NXT2: variants seen among roughly 807,000 people sequenced by gnomAD.
The protein encoded by NXT2 is nuclear transport factor 2 like export factor 2.
Under a neutral mutation model 9.6 loss-of-function variants are expected in NXT2, and 1 was observed. That is an observed-to-expected ratio of 0.10 (90% confidence interval 0.04 to 0.49). The LOEUF is 0.49. Among genes scored for constraint, NXT2 ranks in the 20% least tolerant of loss-of-function variants. NXT2 has a pLI of 0.95. For synonymous variants in NXT2, 22 were observed against 35.4 expected (o/e 0.62, Z 1.34); for missense variants, 48 against 100.3 (o/e 0.48, Z 2.23).
Position 109,536,892 on chromosome X carries a change from G to A in NXT2, c.-115G>A. On this transcript the variant is annotated 5_prime_UTR_variant, in exon 1 of 4. Coordinates refer to ENST00000372106, the MANE Select transcript of NXT2 (RefSeq NM_001242617.2). Reference sequence around the variant, plus strand: ...AATGGGAGGGTGGAAAATTTTGTGCGTTTGGCGGGTTTCGCTCTCTTCATA... The same window carrying A: ...AATGGGAGGGTGGAAAATTTTGTGCATTTGGCGGGTTTCGCTCTCTTCATA... 7.5e-6 allele frequency: 9 copies of A among 1,192,910 alleles called. No homozygotes were observed. The highest frequency in any genetic ancestry group is 1.0e-5 in the Non-Finnish European group (9 of 884,663).
At position 109,538,028 on chromosome X, in the gene NXT2, T is replaced by G; in HGVS notation, c.16-17T>G. On this transcript the variant is annotated splice_polypyrimidine_tract_variant and intron_variant, in intron 1 of 3. Coordinates refer to ENST00000372106, the MANE Select transcript of NXT2 (RefSeq NM_001242617.2). ...TGAAAAGGTTGGTAATCTATACTTC[T>G]GGAATTTTTCTTGTAGGATTTTAAA... The G allele has an allele frequency of 8.9e-7, 1 of 1,123,837 alleles. No homozygotes were observed. Among genetic ancestry groups the G allele is most frequent in the Non-Finnish European group, 1.2e-6 (1 of 817,318 alleles). The allele number at this position is 1,123,837 out of a possible 1,213,427, so 92.6% of individuals were successfully genotyped here.
chrX:109,536,575 C>T (rs753118523), upstream of NXT2: 1 of 163,242 alleles, frequency 6.1e-6, no homozygotes, highest in African/African-American at 3.1e-5. Flanking sequence ...TAGGTCTCCT[C>T]GCATTTCTAA....
In NXT2 at chrX:109,543,224, G is replaced by A. The variant is rs1401323453; in HGVS notation, c.*536G>A. On this transcript the variant is annotated 3_prime_UTR_variant, in exon 4 of 4. Transcript: ENST00000372106. ...TTGCATATAGAGATGTTCAGTGGTCGTTTTTCATTTTAAGTAATTTTTGTT... is the reference window on the plus strand; with the variant it reads ...TTGCATATAGAGATGTTCAGTGGTCATTTTTCATTTTAAGTAATTTTTGTT... 1.8e-5 allele frequency: 2 copies of A among 112,197 alleles called. No homozygotes were observed. The highest frequency in any genetic ancestry group is 9.5e-5 in the Admixed American group (1 of 10,472). 9.2% of individuals were successfully genotyped at this position (112,197 alleles called of 1,213,427 possible).
chrX:109,539,115 A>T (rs1167226030), intron 2 of NXT2, among the ~76,000 whole-genome samples: 1 of 111,556 alleles, frequency 9.0e-6, no homozygotes, highest in Non-Finnish European at 1.9e-5. Context: ...GAGTGAAAAC[A>T]TAACTGTGTT....
At position 109,537,084 on chromosome X, in the gene NXT2, T is replaced by C. The variant is rs1933294004; in HGVS notation, c.15+63T>C. On this transcript the variant is annotated intron_variant, in intron 1 of 3. Transcript: ENST00000372106. ...GACTCCAGTGGCTGAGAGGAGGGAT[T>C]CCGGGGCGGTCTGGCTGCTGCTCAC... 10 of 1,164,018 alleles carry C rather than the reference T, an allele frequency of 8.6e-6. 1 individual carries two copies. In the East Asian group the frequency reaches 2.6e-4, roughly 30 times the overall value.
Position 109,542,436 on chromosome X carries a change from T to G in NXT2, c.248-71T>G, listed in dbSNP as rs138896489. On this transcript the variant is annotated intron_variant, in intron 3 of 3. Coordinates refer to ENST00000372106, the MANE Select transcript of NXT2 (RefSeq NM_001242617.2). Reference sequence around the variant, plus strand: ...AGCATTAGTCCATAAACAATGTATTTTAAGCCTGAAAATCTGCTTATTTAG... The same window carrying G: ...AGCATTAGTCCATAAACAATGTATTGTAAGCCTGAAAATCTGCTTATTTAG... 921 of 956,393 alleles carry G rather than the reference T, an allele frequency of 9.6e-4. 5 individuals are homozygous for G. The African/African-American group carries it at 0.016, about 17-fold the overall frequency. The allele number at this position is 956,393 out of a possible 1,213,427, so 78.8% of individuals were successfully genotyped here.
upstream of NXT2, chrX:109,536,675 C>A: frequency 2.7e-6 from 1 of 374,480 alleles, no homozygotes; most frequent in Non-Finnish European, 4.1e-6. Flanking sequence ...CCAGGCTTGT[C>A]GTTAGAAAAG....
In NXT2 at chrX:109,544,542, T is replaced by A. The variant is rs1426658960; in HGVS notation, c.*1854T>A. The A allele has an allele frequency of 8.9e-6, 1 of 112,701 alleles. No homozygotes were observed. The highest frequency in any genetic ancestry group is 9.4e-5 in the Admixed American group (1 of 10,601). 9.3% of individuals were successfully genotyped at this position (112,701 alleles called of 1,213,427 possible). On this transcript the variant is annotated 3_prime_UTR_variant, in exon 4 of 4. Transcript: ENST00000372106. ...AACGGTGTGCATTGTTCATGATTGTTGTGTTTTAAGACTTGTATATAAACT... is the reference window on the plus strand; with the variant it reads ...AACGGTGTGCATTGTTCATGATTGTAGTGTTTTAAGACTTGTATATAAACT...
At chrX:109,541,420 A>G in intron 2 of NXT2, 55 bp from the exon 3 acceptor site, 1 of 1,040,469 alleles carries the variant, frequency 9.6e-7, no homozygotes, top group South Asian at 2.3e-5. Context: ...TTTCTATAAA[A>G]TGTTTATCTA....
chrX:109,537,052 G>C, intron 1 of NXT2, 31 bp downstream of exon 1: 1 of 1,196,757 alleles, frequency 8.4e-7, no homozygotes, highest in Non-Finnish European at 1.1e-6. Flanking sequence ...AGGACGGCTG[G>C]GCGCCGGACT....
In NXT2 at chrX:109,536,943, G is replaced by A. The variant is rs1933288046; in HGVS notation, c.-64G>A. ...AGTATTGATCATTCCGCAGCCCTGCGGACCGGACACGTGAGGAGGTAGTGA... is the reference window on the plus strand; with the variant it reads ...AGTATTGATCATTCCGCAGCCCTGCAGACCGGACACGTGAGGAGGTAGTGA... On this transcript the variant is annotated 5_prime_UTR_variant, in exon 1 of 4. Transcript: ENST00000372106. The A allele has an allele frequency of 3.3e-6, 4 of 1,209,690 alleles. No homozygotes were observed. The South Asian group carries it at 5.3e-5, about 16-fold the overall frequency.
intron 2 of NXT2, among the ~76,000 whole-genome samples, chrX:109,540,608 G>T (rs921435820): frequency 8.9e-5 from 10 of 112,032 alleles, no homozygotes; most frequent in Non-Finnish European, 1.7e-4. Context: ...TTATAGGCGT[G>T]AGCCACCATG....
intron 1 of NXT2, chrX:109,537,237 G>C: frequency 9.9e-7 from 1 of 1,013,575 alleles, no homozygotes; most frequent in Non-Finnish European, 1.3e-6. Flanking sequence ...AAAGGACCCT[G>C]AGCTGGGAAA....
chrX:109,542,503 G>A lies in NXT2; in HGVS notation c.248-4G>A, dbSNP rs924954059. On this transcript the variant is annotated splice_region_variant and splice_polypyrimidine_tract_variant and intron_variant, in intron 3 of 3. Coordinates refer to ENST00000372106, the MANE Select transcript of NXT2 (RefSeq NM_001242617.2). The stretch of plus-strand genomic sequence containing the variant: ...GTTCTCTTTTTTTTTTAATGTGGAT[G>A]AAGAGCAAGCAACTCAGTCCCAAAC... 4 of 1,174,774 alleles carry A rather than the reference G, an allele frequency of 3.4e-6. No individual in the cohort carries two copies. Among genetic ancestry groups the A allele is most frequent in the Middle Eastern group, 2.4e-4 (1 of 4,209 alleles).
chrX:109,539,139 C>G (rs1933357194), intron 2 of NXT2, among the ~76,000 whole-genome samples: 1 of 111,471 alleles, frequency 9.0e-6, no homozygotes, highest in African/African-American at 3.3e-5. Context: ...TTTTCTGTCC[C>G]TGTGTTAGTT....
At position 109,537,344 on chromosome X, in the gene NXT2, CAAAG is replaced by C. The variant is rs1320628998; in HGVS notation, c.15+327_15+330del. 1.9e-5 allele frequency: 16 copies of C among 864,659 alleles called. No individual in the cohort carries two copies. The South Asian group carries it at 2.0e-4, about 11-fold the overall frequency. The allele number at this position is 864,659 out of a possible 1,213,427, so 71.3% of individuals were successfully genotyped here. A position where few individuals can be genotyped will look rare whatever the true frequency, so the allele number is the denominator to read the frequency against. ...CTAAAAATCACTTTCAGTCACCTGA[CAAAG>C]AAACTGGCGATTCATTGTTCTTAAT... On this transcript the variant is annotated intron_variant, in intron 1 of 3. Transcript: ENST00000372106.
intron 1 of NXT2, among the ~76,000 whole-genome samples, chrX:109,537,654 A>G (rs1296328021): frequency 9.0e-6 from 1 of 111,122 alleles, no homozygotes; most frequent in East Asian, 2.8e-4. Flanking sequence ...ACAATTTCCT[A>G]GCTTATTCAG....
Position 109,536,857 on chromosome X carries a change from T to G in NXT2, c.-150T>G. The stretch of plus-strand genomic sequence containing the variant: ...GCTTTTAACGACGGACCGAGCTACT[T>G]CCGGGAGAGAATGGGAGGGTGGAAA... On this transcript the variant is annotated 5_prime_UTR_variant, in exon 1 of 4. Transcript: ENST00000372106. 1 of 1,149,564 alleles carries G rather than the reference T, an allele frequency of 8.7e-7. No individual in the cohort carries two copies. The highest frequency in any genetic ancestry group is 1.8e-5 in the African/African-American group (1 of 56,130). The allele number at this position is 1,149,564 out of a possible 1,213,427, so 94.7% of individuals were successfully genotyped here.
upstream of NXT2, chrX:109,535,861 G>C (rs1246707595): frequency 2.7e-6 from 3 of 1,106,936 alleles, no homozygotes; most frequent in Non-Finnish European, 3.7e-6. Flanking sequence ...AAAAGAGCCA[G>C]ATAAAGAGAA....
Sources: gnomAD v4.1 joint callset for allele counts (sites outside exome capture counted in the v4.1 genomes callset) on GRCh38, gnomAD v4.1.1 for gene constraint, MANE v1.5 for transcripts, NCBI Gene and HGNC (gene_info 2026-07-23, HGNC 2026-07-21) for gene names.